Variants in DCC observed in about 807,000 individuals in gnomAD.
DCC encodes DCC netrin 1 receptor.
Under a neutral mutation model 172.5 loss-of-function variants are expected in DCC, and 58 were observed. That is an observed-to-expected ratio of 0.34 (90% CI 0.27 to 0.42). The LOEUF (loss-of-function observed/expected upper bound fraction) is 0.42. Ranked by LOEUF, DCC falls within the 10% of genes least tolerant of loss-of-function variation. DCC has a pLI of 1.00. For synonymous variants in DCC, 709 were observed against 644.5 expected, an observed-to-expected ratio of 1.10 and a Z score of -1.52; for missense variants, 1,740 against 1,791.0, an observed-to-expected ratio of 0.97 and a Z score of 0.51.
chr18:53,353,090 C>A (rs2057831552), intron 15 of DCC, among the ~76,000 whole-genome samples: 1 of 151,770 alleles, frequency 6.6e-6, no homozygotes, highest in African/African-American at 2.4e-5. Flanking sequence ...CTGGCCTGAC[C>A]AACATGGAGA....
intron 5 of DCC, 44 bp downstream of exon 5, chr18:52,925,414 G>C (rs1397057573): frequency 1.3e-6 from 2 of 1,582,856 alleles, no homozygotes; most frequent in East Asian, 4.5e-5. Context: ...ACCTTTCAAA[G>C]TATATCACCG....
At chr18:53,069,924 G>T (rs2042629690) in intron 7 of DCC, among the ~76,000 whole-genome samples, 1 of 151,884 alleles carries the variant, frequency 6.6e-6, no homozygotes, top group Non-Finnish European at 1.5e-5. Flanking sequence ...GTGGGGTTGG[G>T]GGGGGTTGTT....
At chr18:52,768,545 CA>C (rs1418692280) in intron 2 of DCC, among the ~76,000 whole-genome samples, 2 of 152,180 alleles carry the variant, frequency 1.3e-5, no homozygotes, top group Non-Finnish European at 2.9e-5. Context: ...TTTACCACGA[CA>C]AAAACCTGAC....
intron 14 of DCC, among the ~76,000 whole-genome samples, chr18:53,329,996 T>A (rs1315764775): frequency 6.6e-6 from 1 of 152,210 alleles, no homozygotes; most frequent in Non-Finnish European, 1.5e-5. Flanking sequence ...GCCAGTACTT[T>A]TAGCAGAACA....
chr18:53,243,714 T>C (rs913558461), intron 12 of DCC, among the ~76,000 whole-genome samples: 5 of 152,154 alleles, frequency 3.3e-5, no homozygotes, highest in African/African-American at 1.2e-4. Context: ...TCTGAGATTA[T>C]CATGGAGTAT....
At chr18:53,376,264 C>T (rs1200967222) in intron 15 of DCC, among the ~76,000 whole-genome samples, 1 of 151,918 alleles carries the variant, frequency 6.6e-6, no homozygotes, top group African/African-American at 2.4e-5. Context: ...GGTGCCTGTA[C>T]TCCCAGCTAC....
At chr18:52,382,163 G>A (rs1328475744) in intron 1 of DCC, among the ~76,000 whole-genome samples, 2 of 152,120 alleles carry the variant, frequency 1.3e-5, no homozygotes, top group Non-Finnish European at 2.9e-5. Context: ...ATTCAGAGAT[G>A]TAAAAATGAA....
intron 5 of DCC, among the ~76,000 whole-genome samples, chr18:52,978,675 TTAA>T (rs2041160827): frequency 6.6e-6 from 1 of 152,250 alleles, no homozygotes; most frequent in African/African-American, 2.4e-5. Context: ...AGCCATGCCC[TTAA>T]TGACCTGCGA....
chr18:52,484,520 A>G lies in DCC; in HGVS notation c.91+143642A>G, dbSNP rs148530314. Among the ~76,000 whole-genome samples, 190 of 152,206 alleles carry G rather than the reference A, an allele frequency of 1.2e-3. 1 individual carries two copies. The East Asian group carries it at 0.036, about 29-fold the overall frequency. Reference sequence around the variant, plus strand: ...AATCAATGAACTGTGAATCAGACACATGGAAACTGGTGAAATTCTGTTATT... The same window carrying G: ...AATCAATGAACTGTGAATCAGACACGTGGAAACTGGTGAAATTCTGTTATT... On this transcript the variant is annotated intron_variant, in intron 1 of 28. Transcript: ENST00000442544.
intron 27 of DCC, among the ~76,000 whole-genome samples, chr18:53,513,201 C>T (rs1785502555): frequency 6.6e-6 from 1 of 152,116 alleles, no homozygotes; most frequent in African/African-American, 2.4e-5. Context: ...ATTTCATATC[C>T]AGCCAAACTA....
At chr18:52,655,214 A>G (rs2035222683) in intron 1 of DCC, among the ~76,000 whole-genome samples, 1 of 152,188 alleles carries the variant, frequency 6.6e-6, no homozygotes, top group South Asian at 2.1e-4. Flanking sequence ...GTTGATGAAC[A>G]ACGCAGTTCT....
chr18:53,307,678 G>T (rs571544868), intron 13 of DCC, among the ~76,000 whole-genome samples: 1 of 151,180 alleles, frequency 6.6e-6, no homozygotes, highest in Admixed American at 6.6e-5. Flanking sequence ...AGAACTATAC[G>T]CAGCCAATAA....
chr18:52,649,308 G>A (rs1442008277), intron 1 of DCC, among the ~76,000 whole-genome samples: 1 of 147,176 alleles, frequency 6.8e-6, no homozygotes, highest in Non-Finnish European at 1.5e-5. Context: ...GGGAGGCGGA[G>A]CTTGCAGTGA....
At chr18:53,018,731 CAT>C (rs2041841348) in intron 5 of DCC, among the ~76,000 whole-genome samples, 1 of 152,216 alleles carries the variant, frequency 6.6e-6, no homozygotes, top group African/African-American at 2.4e-5. Flanking sequence ...AATGCTATAA[CAT>C]AGTGCATACT....
Position 53,205,287 on chromosome 18 carries a change from G to C in DCC, c.1645G>C (p.Glu549Gln). The C allele has an allele frequency of 6.2e-7, 1 of 1,613,792 alleles. No homozygotes were observed. Among genetic ancestry groups the C allele is most frequent in the Non-Finnish European group, 8.5e-7 (1 of 1,179,822 alleles). Residue 549 changes from glutamate to glutamine, a missense_variant, in exon 10 of 29, where the codon GAA becomes CAA. By Grantham distance (29) the Glu-to-Gln change is conservative. Transcript: ENST00000442544. Reference sequence around the variant, plus strand: ...ACCTACCTCAATTCTTATTACCTGGGAACCCCCTGCCTATGCAAACGGTCC... The same window carrying C: ...ACCTACCTCAATTCTTATTACCTGGCAACCCCCTGCCTATGCAAACGGTCC... ...TSPTSILITW[E>Q]PPAYANGPVQ...
At chr18:53,298,650 T>G (rs2144765221) in intron 12 of DCC, among the ~76,000 whole-genome samples, 1 of 152,070 alleles carries the variant, frequency 6.6e-6, no homozygotes, top group Admixed American at 6.6e-5. Flanking sequence ...ATATCTACAT[T>G]TGTATTTTCC....
At chr18:53,172,073 T>C (rs527870918) in intron 8 of DCC, among the ~76,000 whole-genome samples, 1 of 152,192 alleles carries the variant, frequency 6.6e-6, no homozygotes, top group African/African-American at 2.4e-5. Context: ...AACAAAAACA[T>C]CCATGCACTC....
At chr18:53,003,609 C>T (rs1413732029) in intron 5 of DCC, among the ~76,000 whole-genome samples, 1 of 152,084 alleles carries the variant, frequency 6.6e-6, no homozygotes, top group African/African-American at 2.4e-5. Flanking sequence ...TGTCCAAAGA[C>T]TTTCTATACC....
intron 1 of DCC, among the ~76,000 whole-genome samples, chr18:52,511,488 A>AG (rs2031437831): frequency 6.6e-6 from 1 of 152,132 alleles, no homozygotes; most frequent in South Asian, 2.1e-4. Context: ...CAAACTGGGA[A>AG]GGGGTTGAGG....
Sources: allele counts gnomAD v4.1 joint callset (sites outside exome capture counted in the v4.1 genomes callset), GRCh38; gene constraint gnomAD v4.1.1; transcripts MANE v1.5; gene names NCBI Gene and HGNC (gene_info 2026-07-23, HGNC 2026-07-21).